Variants in TENM3 observed in about 807,000 individuals in gnomAD.
TENM3 encodes the protein teneurin-3.
In TENM3, 63 loss-of-function variants were observed where a neutral mutation model predicts 255.1. The ratio of observed to expected loss-of-function variants is 0.25; its 90% CI spans 0.20 to 0.30. The LOEUF (loss-of-function observed/expected upper bound fraction) is 0.30. TENM3 is among the 10% of genes least tolerant of loss of function. The pLI, the probability that TENM3 is intolerant of heterozygous loss-of-function variation, is 1.00. For synonymous variants in TENM3, 1,306 were observed against 1,322.3 expected (o/e 0.99, Z 0.27); for missense variants, 2,929 against 3,461.1 (o/e 0.85, Z 3.86).
At chr4:182,744,547 C>A (rs1024722801) in intron 19 of TENM3, among the ~76,000 whole-genome samples, 2 of 152,042 alleles carry the variant, frequency 1.3e-5, no homozygotes, top group African/African-American at 4.8e-5. Flanking sequence ...TCCAAGAAAA[C>A]CCCTGACAGG....
chr4:182,023,490 A>G, the TENM3 span, among the ~76,000 whole-genome samples: 1 of 152,224 alleles, frequency 6.6e-6, no homozygotes, highest in Non-Finnish European at 1.5e-5. Flanking sequence ...CAAAAAAGAT[A>G]TAAGTACTCT....
chr4:181,777,213 T>G, the TENM3 span, among the ~76,000 whole-genome samples: 1 of 152,116 alleles, frequency 6.6e-6, no homozygotes, highest in Non-Finnish European at 1.5e-5. Context: ...GACAATGAGT[T>G]GGCTAGAAGT....
At chr4:182,358,897 A>C (rs1366928729) in intron 3 of TENM3, among the ~76,000 whole-genome samples, 1 of 151,768 alleles carries the variant, frequency 6.6e-6, no homozygotes, top group Non-Finnish European at 1.5e-5. Flanking sequence ...CGTCCCATCA[A>C]TACCTAATTT....
chr4:181,786,092 A>G, the TENM3 span, among the ~76,000 whole-genome samples: 37 of 152,340 alleles, frequency 2.4e-4, no homozygotes, highest in African/African-American at 6.3e-4. Context: ...CATAAGGAGG[A>G]AAATGCTACA....
intron 11 of TENM3, among the ~76,000 whole-genome samples, chr4:182,684,299 T>C (rs567814173): frequency 6.6e-6 from 1 of 151,802 alleles, no homozygotes; most frequent in South Asian, 2.1e-4. Flanking sequence ...AACATAAGTC[T>C]TGGCTTCAGT....
At chr4:182,399,193 C>G (rs1351378258) in intron 3 of TENM3, among the ~76,000 whole-genome samples, 1 of 152,128 alleles carries the variant, frequency 6.6e-6, no homozygotes, top group Non-Finnish European at 1.5e-5. Flanking sequence ...CGGTTCACAC[C>G]TTGGCTAAAC....
the TENM3 span, among the ~76,000 whole-genome samples, chr4:181,984,435 A>G: frequency 1.3e-5 from 2 of 152,060 alleles, no homozygotes; most frequent in Non-Finnish European, 2.9e-5. Flanking sequence ...GATTGTTTAA[A>G]ATTTCCGGGA....
At chr4:182,753,697 T>C in intron 21 of TENM3, 93 bp downstream of exon 21, 2 of 1,210,268 alleles carry the variant, frequency 1.7e-6, no homozygotes, top group Non-Finnish European at 2.3e-6. Context: ...TTAAACTGCA[T>C]ATATCATGTG....
chr4:182,570,571 C>T (rs1744252700), intron 3 of TENM3, among the ~76,000 whole-genome samples: 1 of 152,138 alleles, frequency 6.6e-6, no homozygotes, highest in African/African-American at 2.4e-5. Flanking sequence ...AAGGGCCGGC[C>T]GGGCGTGGTG....
At chr4:182,485,448 T>C (rs570966201) in intron 3 of TENM3, among the ~76,000 whole-genome samples, 1 of 152,258 alleles carries the variant, frequency 6.6e-6, no homozygotes, top group African/African-American at 2.4e-5. Context: ...TATACCCAAT[T>C]TCAATCCTGA....
chr4:182,437,117 A>G (rs1772107314), intron 3 of TENM3, among the ~76,000 whole-genome samples: 1 of 152,258 alleles, frequency 6.6e-6, no homozygotes, highest in Non-Finnish European at 1.5e-5. Context: ...AAATGTGCCT[A>G]CTATCTTAAC....
chr4:182,188,696 G>A (rs1388696245), intron 1 of TENM3, among the ~76,000 whole-genome samples: 3 of 152,092 alleles, frequency 2.0e-5, no homozygotes, highest in Non-Finnish European at 4.4e-5. Flanking sequence ...CACATGGTCC[G>A]GGTATCAAAA....
At chr4:182,087,137 T>C in the TENM3 span, among the ~76,000 whole-genome samples, 4 of 152,098 alleles carry the variant, frequency 2.6e-5, no homozygotes, top group South Asian at 2.1e-4. Flanking sequence ...ACATTCTGAG[T>C]TTCCCCCTGT....
chr4:182,019,629 C>T, the TENM3 span, among the ~76,000 whole-genome samples: 7 of 152,130 alleles, frequency 4.6e-5, no homozygotes, highest in African/African-American at 1.7e-4. Context: ...GCCTTGACCT[C>T]GTTTCTCTTG....
the TENM3 span, among the ~76,000 whole-genome samples, chr4:181,825,136 C>T: frequency 1.3e-5 from 2 of 152,178 alleles, no homozygotes; most frequent in African/African-American, 4.8e-5. Context: ...GACGCGGTGG[C>T]TCACGCCGAT....
chr4:182,588,577 C>T (rs543162331), intron 3 of TENM3, among the ~76,000 whole-genome samples: 61 of 152,186 alleles, frequency 4.0e-4, no homozygotes, highest in African/African-American at 1.4e-3. Context: ...TATGTCAGTT[C>T]TTTATTGTCA....
At chr4:181,971,954 G>A in the TENM3 span, among the ~76,000 whole-genome samples, 3 of 151,882 alleles carry the variant, frequency 2.0e-5, no homozygotes, top group Admixed American at 6.6e-5. Context: ...TATCGGCAAC[G>A]TCTCTCCTAC....
chr4:182,758,414 G>T (rs1278398028), intron 22 of TENM3, among the ~76,000 whole-genome samples: 1 of 152,124 alleles, frequency 6.6e-6, no homozygotes, highest in Non-Finnish European at 1.5e-5. Context: ...AGCACGTATT[G>T]TCTGTGTAAG....
At chr4:181,772,494 A>G in the TENM3 span, among the ~76,000 whole-genome samples, 1 of 152,224 alleles carries the variant, frequency 6.6e-6, no homozygotes, top group Non-Finnish European at 1.5e-5. Context: ...ATGCAAGGAT[A>G]CTGACTGAGC....
Sources: allele counts gnomAD v4.1 joint callset (sites outside exome capture counted in the v4.1 genomes callset), GRCh38; gene constraint gnomAD v4.1.1; transcripts MANE v1.5; gene names NCBI Gene and HGNC (gene_info 2026-07-23, HGNC 2026-07-21).